Variants in CEP63 observed in about 807,000 individuals in gnomAD.
CEP63 encodes the protein centrosomal protein of 63 kDa.
Under a neutral mutation model 89.1 loss-of-function variants are expected in CEP63, and 84 were observed. The ratio of observed to expected loss-of-function variants is 0.94; its 90% CI spans 0.79 to 1.13. CEP63 has a LOEUF of 1.13. Among genes scored for constraint, CEP63 ranks in the 50% most tolerant of loss-of-function variants. The pLI, the probability that CEP63 is intolerant of heterozygous loss-of-function variation, is 0.00. For synonymous variants in CEP63, 267 were observed against 272.5 expected (o/e 0.98, Z 0.20); for missense variants, 838 against 813.3 (o/e 1.03, Z -0.37).
intron 1 of CEP63, among the ~76,000 whole-genome samples, chr3:134,488,675 G>T (rs901334289): frequency 6.6e-6 from 1 of 152,082 alleles, no homozygotes; most frequent in Non-Finnish European, 1.5e-5. Context: ...TTAACAAAAA[G>T]ATATTTACAA....
chr3:134,540,829 G>C (rs1195665179), intron 6 of CEP63, among the ~76,000 whole-genome samples: 1 of 147,576 alleles, frequency 6.8e-6, no homozygotes. Context: ...CGGTTGCCCA[G>C]CCTGGAGTAC....
the CEP63 span, among the ~76,000 whole-genome samples, chr3:134,723,828 G>A: frequency 1.5e-3 from 234 of 152,282 alleles, 3 homozygotes; most frequent in Non-Finnish European, 3.1e-4. Flanking sequence ...ATATCTGGTG[G>A]ACAATGACAG....
At chr3:134,651,097 C>A in the CEP63 span, 3 of 1,523,380 alleles carry the variant, frequency 2.0e-6, no homozygotes, top group East Asian at 7.4e-5. Flanking sequence ...CCGCTGGAGC[C>A]GCAGGGCGCT....
the CEP63 span, among the ~76,000 whole-genome samples, chr3:134,766,997 A>G: frequency 6.6e-6 from 1 of 152,210 alleles, no homozygotes; most frequent in South Asian, 2.1e-4. Context: ...TTAAATTTGT[A>G]CAGAGGCTAC....
At chr3:134,589,990 A>G (rs574588745), downstream of CEP63, among the ~76,000 whole-genome samples, 94 of 152,332 alleles carry the variant, frequency 6.2e-4, no homozygotes, top group Middle Eastern at 3.4e-3. Context: ...GTGAACTAAC[A>G]TAGGAACAGA....
chr3:134,521,273 T>C (rs1947390608), intron 3 of CEP63, among the ~76,000 whole-genome samples: 1 of 152,136 alleles, frequency 6.6e-6, no homozygotes, highest in Non-Finnish European at 1.5e-5. Flanking sequence ...TAATACTAAG[T>C]TACTATAGGG....
the CEP63 span, among the ~76,000 whole-genome samples, chr3:134,665,820 CAG>C: frequency 6.6e-6 from 1 of 150,878 alleles, no homozygotes; most frequent in African/African-American, 2.4e-5. Context: ...AGCAGAAAGG[CAG>C]AGAGACAAAT....
chr3:134,492,480 C>CT (rs10682759), intron 1 of CEP63, among the ~76,000 whole-genome samples: 2 of 151,198 alleles, frequency 1.3e-5, no homozygotes, highest in South Asian at 2.1e-4. Flanking sequence ...GTGTTTGGCA[C>CT]CAGGCAGATG....
At chr3:134,681,242 C>T in the CEP63 span, among the ~76,000 whole-genome samples, 1 of 152,316 alleles carries the variant, frequency 6.6e-6, no homozygotes, top group East Asian at 1.9e-4. Flanking sequence ...TGTCACTTTA[C>T]TCGGTGGCAT....
At chr3:134,494,040 C>CT (rs1422659065) in intron 1 of CEP63, among the ~76,000 whole-genome samples, 3 of 152,094 alleles carry the variant, frequency 2.0e-5, no homozygotes, top group Admixed American at 2.0e-4. Context: ...TAAGGGTCCT[C>CT]TTTCCTTTCT....
intron 3 of CEP63, among the ~76,000 whole-genome samples, chr3:134,528,569 C>CGTGTGTGCGT (rs1553763961): frequency 6.8e-6 from 1 of 147,024 alleles, no homozygotes; most frequent in Non-Finnish European, 1.5e-5. Flanking sequence ...TGTGTGTGTG[C>CGTGTGTGCGT]GTGTGTGTGT....
the CEP63 span, among the ~76,000 whole-genome samples, chr3:134,731,042 G>A: frequency 6.6e-6 from 1 of 152,002 alleles, no homozygotes; most frequent in Non-Finnish European, 1.5e-5. Flanking sequence ...AGATATAATG[G>A]TAAAATCTTC....
chr3:134,641,206 C>T, the CEP63 span: 1 of 152,228 alleles, frequency 6.6e-6, no homozygotes, highest in African/African-American at 2.4e-5. Context: ...CTCACCTACT[C>T]CACTTTAAAT....
the CEP63 span, among the ~76,000 whole-genome samples, chr3:134,639,554 G>A: frequency 6.6e-6 from 1 of 152,130 alleles, no homozygotes; most frequent in Non-Finnish European, 1.5e-5. Context: ...TGACCCTAGT[G>A]CACACATCAA....
the CEP63 span, among the ~76,000 whole-genome samples, chr3:134,641,514 A>C: frequency 6.6e-6 from 1 of 152,174 alleles, no homozygotes; most frequent in Non-Finnish European, 1.5e-5. Flanking sequence ...AGCCTCTAGC[A>C]GCAGGAAGAG....
chr3:134,627,348 A>T, the CEP63 span, among the ~76,000 whole-genome samples: 2 of 152,314 alleles, frequency 1.3e-5, no homozygotes, highest in Non-Finnish European at 2.9e-5. Context: ...GAAGGGCAAA[A>T]GCAGGATTCC....
intron 10 of CEP63, among the ~76,000 whole-genome samples, chr3:134,586,528 C>G (rs909131449): frequency 1.5e-4 from 23 of 152,194 alleles, no homozygotes; most frequent in Admixed American, 6.5e-4. Flanking sequence ...GCCCCACTCT[C>G]TTCTGGCTTG....
chr3:134,550,168 A>G lies in CEP63; in HGVS notation c.1288A>G (p.Thr430Ala). The G allele has an allele frequency of 6.2e-7, 1 of 1,613,874 alleles. No homozygotes were observed. The highest frequency in any genetic ancestry group is 8.5e-7 in the Non-Finnish European group (1 of 1,179,732). Residue 430 changes from threonine (T) to alanine (A), a missense_variant, in exon 11 of 15, where the codon ACT (threonine) becomes GCT (alanine). By Grantham distance (58) the Thr-to-Ala change is moderately conservative (BLOSUM62 0). Coordinates refer to ENST00000675561, the MANE Select transcript of CEP63 (RefSeq NM_001353108.3). Reference protein sequence around the residue: ...LTQELHQRDITIASTKGSSSD... With the variant: ...LTQELHQRDIAIASTKGSSSD... The stretch of plus-strand genomic sequence containing the variant: ...TCAGGAGTTACATCAGCGAGATATC[A>G]CTATTGCTTCCACCAAAGGTTCTTC...
chr3:134,623,699 C>T, the CEP63 span, among the ~76,000 whole-genome samples: 6 of 152,292 alleles, frequency 3.9e-5, no homozygotes, highest in South Asian at 1.0e-3. Flanking sequence ...AGGCCTCCAG[C>T]CCCTGTGCAC....
Sources: allele counts gnomAD v4.1 joint callset (sites outside exome capture counted in the v4.1 genomes callset), GRCh38; gene constraint gnomAD v4.1.1; transcripts MANE v1.5; gene names NCBI Gene and HGNC (gene_info 2026-07-23, HGNC 2026-07-21).